The following TACC1 variants were observed in gnomAD, a reference collection of about 807,000 sequenced individuals.
TACC1 encodes transforming acidic coiled-coil containing protein 1.
In TACC1, 48 loss-of-function variants were observed where a neutral mutation model predicts 84.4. That is an observed-to-expected ratio of 0.57 (90% CI 0.45 to 0.72). TACC1 has a LOEUF of 0.72. TACC1 is among the 30% of genes least tolerant of loss of function. The pLI is 0.00. For synonymous variants in TACC1, 372 were observed against 376.3 expected (o/e 0.99, Z 0.13); for missense variants, 920 against 973.0 (o/e 0.95, Z 0.72).
chr8:38,844,023 C>T (rs1831753689), intron 11 of TACC1, among the ~76,000 whole-genome samples: 1 of 152,040 alleles, frequency 6.6e-6, no homozygotes, highest in South Asian at 2.1e-4. Flanking sequence ...CATTTGATAG[C>T]CCTAGATAAT....
chr8:38,745,833 C>A (rs972321949), intron 3 of TACC1, among the ~76,000 whole-genome samples: 1 of 151,928 alleles, frequency 6.6e-6, no homozygotes, highest in Non-Finnish European at 1.5e-5. Context: ...CATGAGCCAC[C>A]GCACCCAGCC....
At chr8:38,755,824 T>TATC (rs1283684283) in intron 3 of TACC1, among the ~76,000 whole-genome samples, 1 of 150,826 alleles carries the variant, frequency 6.6e-6, no homozygotes, top group Admixed American at 6.6e-5. Context: ...TTATTATTAT[T>TATC]ATTATTAGAG....
chr8:38,746,363 G>A (rs1016649292), intron 3 of TACC1, among the ~76,000 whole-genome samples: 25 of 152,152 alleles, frequency 1.6e-4, no homozygotes, highest in Non-Finnish European at 2.6e-4. Flanking sequence ...CCTTGGAGTG[G>A]ACTTCGTTAT....
intron 3 of TACC1, chr8:38,824,175 T>G (rs1334036660): frequency 1.7e-6 from 1 of 598,116 alleles, no homozygotes; most frequent in Non-Finnish European, 2.8e-6. Flanking sequence ...ACTTCATGAG[T>G]CAGCTTAGCC....
At chr8:38,833,436 A>G (rs531184638) in intron 6 of TACC1, among the ~76,000 whole-genome samples, 1 of 152,246 alleles carries the variant, frequency 6.6e-6, no homozygotes, top group African/African-American at 2.4e-5. Context: ...AGGCAAGGGC[A>G]TACATTCCTG....
At chr8:38,742,745 C>T (rs975487753) in intron 2 of TACC1, among the ~76,000 whole-genome samples, 1 of 152,244 alleles carries the variant, frequency 6.6e-6, no homozygotes, top group African/African-American at 2.4e-5. Flanking sequence ...GACAGAGTTT[C>T]ACTCTGTCAC....
At chr8:38,840,989 T>C (rs991999164) in intron 9 of TACC1, among the ~76,000 whole-genome samples, 1 of 152,116 alleles carries the variant, frequency 6.6e-6, no homozygotes, top group African/African-American at 2.4e-5. Context: ...GCGGAAGTTA[T>C]GGTGAGCCGA....
At chr8:38,830,165 C>T (rs1828924467) in intron 5 of TACC1, among the ~76,000 whole-genome samples, 1 of 152,206 alleles carries the variant, frequency 6.6e-6, no homozygotes, top group African/African-American at 2.4e-5. Flanking sequence ...CTATTGACAA[C>T]AATAGTAGTT....
chr8:38,753,849 G>A (rs1809463592), intron 3 of TACC1, among the ~76,000 whole-genome samples: 1 of 149,518 alleles, frequency 6.7e-6, no homozygotes, highest in Non-Finnish European at 1.5e-5. Flanking sequence ...TTTTCCCCTT[G>A]TCTCAATTTC....
intron 3 of TACC1, among the ~76,000 whole-genome samples, chr8:38,745,958 G>T (rs1808012584): frequency 6.6e-6 from 1 of 152,144 alleles, no homozygotes; most frequent in Admixed American, 6.5e-5. Flanking sequence ...CAATCCTTTT[G>T]CCTCAGCTAG....
intron 10 of TACC1, among the ~76,000 whole-genome samples, 170 bp from the exon 11 acceptor site, chr8:38,843,119 A>G (rs933799602): frequency 2.0e-5 from 3 of 152,216 alleles, no homozygotes; most frequent in Non-Finnish European, 4.4e-5. Context: ...ATTATGTAGA[A>G]TTTCCTCAGT....
At chr8:38,755,746 C>CA (rs1274552156) in intron 3 of TACC1, among the ~76,000 whole-genome samples, 1 of 94,144 alleles carries the variant, frequency 1.1e-5, no homozygotes, top group African/African-American at 3.6e-5. Context: ...ACAACAACAA[C>CA]AACAACAGAG....
chr8:38,740,165 G>A (rs1467915027), intron 1 of TACC1, among the ~76,000 whole-genome samples: 1 of 152,182 alleles, frequency 6.6e-6, no homozygotes, highest in Non-Finnish European at 1.5e-5. Flanking sequence ...GCAGGGGTTG[G>A]CTGACCACTG....
At chr8:38,810,394 A>G (rs1823802457) in intron 2 of TACC1, among the ~76,000 whole-genome samples, 1 of 152,072 alleles carries the variant, frequency 6.6e-6, no homozygotes. Flanking sequence ...TGAGGCCAGG[A>G]GTTTGAGACC....
intron 2 of TACC1, among the ~76,000 whole-genome samples, chr8:38,793,695 C>T (rs1434712579): frequency 6.6e-6 from 1 of 152,128 alleles, no homozygotes; most frequent in Non-Finnish European, 1.5e-5. Context: ...GATCCTCCCA[C>T]CTCAGCCTCC....
intron 7 of TACC1, among the ~76,000 whole-genome samples, chr8:38,836,509 G>C (rs1830264711): frequency 6.6e-6 from 1 of 152,148 alleles, no homozygotes; most frequent in Non-Finnish European, 1.5e-5. Context: ...ATATTCTTAA[G>C]AATTTTGTAC....
chr8:38,742,985 G>A (rs975434123), intron 2 of TACC1, among the ~76,000 whole-genome samples: 1 of 152,204 alleles, frequency 6.6e-6, no homozygotes, highest in African/African-American at 2.4e-5. Flanking sequence ...AAAGTGCTGG[G>A]ATTATAGGCG....
intron 9 of TACC1, 113 bp from the exon 10 acceptor site, chr8:38,842,174 G>A (rs919002090): frequency 9.0e-6 from 11 of 1,226,334 alleles, no homozygotes; most frequent in Non-Finnish European, 1.3e-5. Flanking sequence ...CCATAAGAGC[G>A]GGAATTTGGT....
intron 5 of TACC1, among the ~76,000 whole-genome samples, chr8:38,828,402 A>G (rs1828569658): frequency 6.6e-6 from 1 of 152,240 alleles, no homozygotes; most frequent in Non-Finnish European, 1.5e-5. Flanking sequence ...GTGTACAAAT[A>G]TATTTAATAT....
Sources: allele counts gnomAD v4.1 joint callset (sites outside exome capture counted in the v4.1 genomes callset), GRCh38; gene constraint gnomAD v4.1.1; transcripts MANE v1.5; gene names NCBI Gene and HGNC (gene_info 2026-07-23, HGNC 2026-07-21).